The following MLLT3 variants were observed in gnomAD, a reference collection of about 807,000 sequenced individuals.
MLLT3 encodes the protein MLLT3 super elongation complex subunit, also known as protein AF-9.
Under a neutral mutation model 53.2 loss-of-function variants are expected in MLLT3, and 4 were observed. The ratio of observed to expected loss-of-function variants is 0.08; its 90% CI spans 0.04 to 0.17. The LOEUF is 0.17. Among genes scored for constraint, MLLT3 ranks in the 10% least tolerant of loss-of-function variants. The pLI is 1.00. For synonymous variants in MLLT3, 283 were observed against 230.6 expected (o/e 1.23, Z -2.06); for missense variants, 569 against 684.0 (o/e 0.83, Z 1.87).
intron 2 of MLLT3, among the ~76,000 whole-genome samples, chr9:20,501,854 G>A (rs1055089639): frequency 6.6e-6 from 1 of 151,272 alleles, no homozygotes; most frequent in African/African-American, 2.4e-5. Flanking sequence ...GCCAAAGCAG[G>A]CAGATCACCT....
rs972814941 is a variant in MLLT3 at position 20,350,589 on chromosome 9, C to A, written c.1575+2936G>T. Among the ~76,000 whole-genome samples the A allele has an allele frequency of 7.2e-5, 5 of 69,422 alleles. 2 individuals are homozygous for A. Among genetic ancestry groups the A allele is most frequent in the African/African-American group, 6.1e-4 (2 of 3,288 alleles). The allele number at this position is 69,422 out of a possible 152,430, so 45.5% of individuals were successfully genotyped here. On this transcript the variant is annotated intron_variant, in intron 10 of 10. Coordinates refer to ENST00000380338, the MANE Select transcript of MLLT3 (RefSeq NM_004529.4). ...CAGCCTGGGCGACAGAGCGAGACTC[C>A]GTCTCAAAAAAAGAAAGAAAGAAAA...
intron 5 of MLLT3, among the ~76,000 whole-genome samples, chr9:20,377,942 C>T (rs1243732942): frequency 1.3e-5 from 2 of 152,030 alleles, no homozygotes; most frequent in South Asian, 2.1e-4. Context: ...TATTTCTCTA[C>T]AAGCCTTATA....
At chr9:20,482,112 T>C (rs1824677468) in intron 2 of MLLT3, among the ~76,000 whole-genome samples, 1 of 152,214 alleles carries the variant, frequency 6.6e-6, no homozygotes, top group African/African-American at 2.4e-5. Context: ...CCACATATTG[T>C]ATTTCCCTAT....
Position 20,413,840 on chromosome 9 carries a change from C to T in MLLT3, c.1006G>A (p.Gly336Arg), listed in dbSNP as rs368345385. 3 of 1,613,936 alleles carry T rather than the reference C, an allele frequency of 1.9e-6. No homozygotes were observed. Among genetic ancestry groups the T allele is most frequent in the Non-Finnish European group, 2.5e-6 (3 of 1,180,010 alleles). The part of the protein sequence containing the change: ...QIKDKSHVKM[G>R]KVKIESETSE... ...GTCTCACTTTCAATTTTGACCTTTC[C>T]CATCTTGACATGAGATTTATCTTTT... The change falls in exon 5 of 11, where the codon GGA becomes AGA. Residue 336 changes from glycine to arginine, a missense_variant. Around this residue, in one of 5 missense-constraint regions of MLLT3, gnomAD observed 437 missense variants for 376.5 expected, o/e 1.16. Coordinates refer to ENST00000380338, the MANE Select transcript of MLLT3 (RefSeq NM_004529.4).
intron 4 of MLLT3, among the ~76,000 whole-genome samples, chr9:20,429,468 G>T (rs1823214370): frequency 6.6e-6 from 1 of 151,976 alleles, no homozygotes; most frequent in African/African-American, 2.4e-5. Context: ...AGAAAAAGAA[G>T]CATATGGCCT....
intron 2 of MLLT3, among the ~76,000 whole-genome samples, chr9:20,615,146 C>A (rs1425880935): frequency 1.3e-5 from 2 of 151,688 alleles, no homozygotes; most frequent in African/African-American, 4.8e-5. Context: ...GAGTTGGAGA[C>A]CAGTCTGGGC....
At chr9:20,415,316 C>T (rs938223929) in intron 4 of MLLT3, 7 of 229,490 alleles carry the variant, frequency 3.1e-5, no homozygotes, top group African/African-American at 7.0e-5. Flanking sequence ...TGAGAAAAGA[C>T]GTAATTGCTG....
rs150604227 is a variant in MLLT3, at chr9:20,540,504, G to A, written c.193+80150C>T. Among the ~76,000 whole-genome samples the A allele has an allele frequency of 6.5e-4, 99 of 152,334 alleles. No individual in the cohort carries two copies. In the East Asian group the frequency reaches 0.016, roughly 24 times the overall value. ...CCACGTGGAAGTCACCATGGCTTGGGGCTTGAACCCTCTGAAGCCATGGCC... is the reference window on the plus strand; with the variant it reads ...CCACGTGGAAGTCACCATGGCTTGGAGCTTGAACCCTCTGAAGCCATGGCC... On this transcript the variant is annotated intron_variant, in intron 2 of 10. Coordinates refer to ENST00000380338, the MANE Select transcript of MLLT3 (RefSeq NM_004529.4).
rs76287590 is a variant in MLLT3 at position 20,357,689 on chromosome 9, T to G, written c.1432-2810A>C. 5.9e-3 allele frequency among the ~76,000 whole-genome samples: 904 copies of G among 152,288 alleles called. 9 individuals carry two copies. The highest frequency in any genetic ancestry group is 0.021 in the African/African-American group (860 of 41,556). The stretch of plus-strand genomic sequence containing the variant: ...ACTCTATGTTCACTTTTATTCAGTA[T>G]GAAAATATTTGACTCCATTAGTACT... On this transcript the variant is annotated intron_variant, in intron 8 of 10. Coordinates refer to ENST00000380338, the MANE Select transcript of MLLT3 (RefSeq NM_004529.4).
Position 20,601,487 on chromosome 9 carries a change from T to C in MLLT3, c.193+19167A>G, listed in dbSNP as rs548491600. ...ACCCCAAGCTAAATAACAACAGCAA[T>C]ATGAAACTGTAAATGTCTACTAAGA... On this transcript the variant is annotated intron_variant, in intron 2 of 10. Transcript: ENST00000380338. 1.5e-3 allele frequency among the ~76,000 whole-genome samples: 229 copies of C among 152,254 alleles called. 1 individual carries two copies. Among genetic ancestry groups the C allele is most frequent in the Non-Finnish European group, 2.8e-3 (188 of 68,002 alleles).
intron 2 of MLLT3, among the ~76,000 whole-genome samples, chr9:20,460,995 A>G (rs1395900215): frequency 1.3e-5 from 2 of 152,144 alleles, no homozygotes; most frequent in Non-Finnish European, 2.9e-5. Flanking sequence ...TTTGAAACTA[A>G]TATTCAACAG....
At chr9:20,525,139 A>C (rs1052818522) in intron 2 of MLLT3, among the ~76,000 whole-genome samples, 30 of 152,030 alleles carry the variant, frequency 2.0e-4, no homozygotes, top group African/African-American at 6.5e-4. Context: ...AAAAAAAAAA[A>C]AAAAAAACAG....
At chr9:20,516,492 T>C (rs1817923258) in intron 2 of MLLT3, among the ~76,000 whole-genome samples, 1 of 152,240 alleles carries the variant, frequency 6.6e-6, no homozygotes, top group Admixed American at 6.5e-5. Flanking sequence ...ATTTTCTATG[T>C]CTCAGGAATG....
intron 5 of MLLT3, among the ~76,000 whole-genome samples, chr9:20,404,654 A>G (rs2118753773): frequency 6.6e-6 from 1 of 152,262 alleles, no homozygotes; most frequent in Admixed American, 6.5e-5. Context: ...ACAGGCGTGC[A>G]CTACCACGCC....
At chr9:20,603,870 A>G (rs1820499807) in intron 2 of MLLT3, among the ~76,000 whole-genome samples, 1 of 152,058 alleles carries the variant, frequency 6.6e-6, no homozygotes, top group Non-Finnish European at 1.5e-5. Context: ...TTTCTCTTTA[A>G]AATACTGAAA....
chr9:20,369,725 A>C (rs1222641062), intron 5 of MLLT3, among the ~76,000 whole-genome samples: 1 of 152,218 alleles, frequency 6.6e-6, no homozygotes, highest in Non-Finnish European at 1.5e-5. Context: ...AAGGATGATT[A>C]TATAAACTAA....
intron 4 of MLLT3, among the ~76,000 whole-genome samples, chr9:20,446,403 T>C (rs1303050853): frequency 6.6e-6 from 1 of 152,202 alleles, no homozygotes; most frequent in Non-Finnish European, 1.5e-5. Flanking sequence ...AGAGACCTTA[T>C]CAGGATGCAG....
chr9:20,576,777 T>C (rs574743247), intron 2 of MLLT3, among the ~76,000 whole-genome samples: 1 of 152,142 alleles, frequency 6.6e-6, no homozygotes, highest in Admixed American at 6.5e-5. Flanking sequence ...AGTGAACACA[T>C]GCTGTTGGAG....
intron 2 of MLLT3, among the ~76,000 whole-genome samples, chr9:20,480,485 TC>T (rs1824634222): frequency 6.6e-6 from 1 of 152,128 alleles, no homozygotes; most frequent in Non-Finnish European, 1.5e-5. Flanking sequence ...ATATGCAAAC[TC>T]AACAATGAAG....
Sources: allele counts gnomAD v4.1 joint callset (sites outside exome capture counted in the v4.1 genomes callset), GRCh38; gene constraint gnomAD v4.1.1; regional missense constraint gnomAD v4.1.1; transcripts MANE v1.5; gene names NCBI Gene and HGNC (gene_info 2026-07-23, HGNC 2026-07-21).